EIF2AK4: variants seen among roughly 807,000 people sequenced by gnomAD.
The protein encoded by EIF2AK4 is eukaryotic translation initiation factor 2 alpha kinase 4.
Under a neutral mutation model 211.1 loss-of-function variants are expected in EIF2AK4, and 139 were observed. The ratio of observed to expected loss-of-function variants is 0.66; its 90% confidence interval spans 0.57 to 0.76. EIF2AK4 has a LOEUF of 0.76. Ranked by LOEUF, EIF2AK4 falls within the 30% of genes least tolerant of loss-of-function variation. The pLI, the probability that EIF2AK4 is intolerant of heterozygous loss-of-function variation, is 0.00. For missense variants in EIF2AK4, 1,664 were observed against 2,043.8 expected (o/e 0.81, Z 3.58); for synonymous variants, 710 against 751.3 (o/e 0.94, Z 0.90).
At chr15:40,034,206 A>G (rs918697869) in intron 37 of EIF2AK4, 120 bp from the exon 38 acceptor site, 9 of 754,234 alleles carry the variant, frequency 1.2e-5, no homozygotes, top group Admixed American at 2.2e-5. Context: ...TCTCCCTATT[A>G]CTGATTCTCC....
intron 3 of EIF2AK4, among the ~76,000 whole-genome samples, chr15:39,945,610 T>C (rs538000379): frequency 4.2e-4 from 63 of 151,628 alleles, no homozygotes; most frequent in African/African-American, 1.5e-3. Flanking sequence ...CCTAAGATAA[T>C]TGATGAAGGT....
chr15:39,999,141 C>T (rs1259572827), intron 20 of EIF2AK4, among the ~76,000 whole-genome samples: 3 of 151,712 alleles, frequency 2.0e-5, no homozygotes, highest in African/African-American at 7.3e-5. Context: ...TAATTTAAAA[C>T]TGTAATTTTG....
rs147821128 is a variant in EIF2AK4 at position 40,007,802 on chromosome 15, A to T, written c.3408-225A>T. 1.5e-3 allele frequency among the ~76,000 whole-genome samples: 232 copies of T among 152,328 alleles called. 9 individuals carry two copies. In the East Asian group the frequency reaches 0.027, roughly 18 times the overall value. Reference sequence around the variant, plus strand: ...GTGTAATTTCATCTCTATTTCAGACATTTAAAAAACCTTAAGCCCCATAGC... The same window carrying T: ...GTGTAATTTCATCTCTATTTCAGACTTTTAAAAAACCTTAAGCCCCATAGC... On this transcript the variant is annotated intron_variant, in intron 24 of 38. Transcript: ENST00000263791.
intron 33 of EIF2AK4, 128 bp downstream of exon 33, chr15:40,026,217 G>A: frequency 1.3e-6 from 1 of 777,544 alleles, no homozygotes; most frequent in Non-Finnish European, 2.0e-6. Context: ...CACTTTGGGA[G>A]GCCAAGTTTG....
At chr15:40,027,439 C>A (rs1309433148) in intron 33 of EIF2AK4, among the ~76,000 whole-genome samples, 1 of 152,176 alleles carries the variant, frequency 6.6e-6, no homozygotes, top group African/African-American at 2.4e-5. Flanking sequence ...ATTCTCTAGA[C>A]CACACTTGGA....
chr15:39,947,711 G>A (rs2934194), intron 3 of EIF2AK4, among the ~76,000 whole-genome samples: 46,778 of 152,040 alleles, frequency 0.31, 7,429 homozygotes, highest in African/African-American at 0.38. Context: ...TGACAGTGGA[G>A]TGGCTGTTCT....
At position 39,953,253 on chromosome 15, in the gene EIF2AK4, C is replaced by G. The variant is rs142541279; in HGVS notation, c.514-651C>G. 3.9e-5 allele frequency among the ~76,000 whole-genome samples: 6 copies of G among 152,256 alleles called. No individual in the cohort carries two copies. The East Asian group carries it at 1.2e-3, about 29-fold the overall frequency. On this transcript the variant is annotated intron_variant, in intron 4 of 38. Coordinates refer to ENST00000263791, the MANE Select transcript of EIF2AK4 (RefSeq NM_001013703.4). ...TGTTTTGACATACTGCTATAGCTAC[C>G]TATAAGTTTGGGGTGTGTTTTTACA... is the stretch of plus-strand genomic sequence containing the variant.
At chr15:40,022,878 T>C (rs1025039691) in intron 32 of EIF2AK4, among the ~76,000 whole-genome samples, 16 of 152,174 alleles carry the variant, frequency 1.1e-4, no homozygotes, top group Admixed American at 9.8e-4. Flanking sequence ...GGACTGCAGG[T>C]GCCCGCCACC....
At chr15:39,949,440 C>T (rs2034276785) in intron 4 of EIF2AK4, among the ~76,000 whole-genome samples, 172 bp downstream of exon 4, 1 of 152,116 alleles carries the variant, frequency 6.6e-6, no homozygotes, top group South Asian at 2.1e-4. Flanking sequence ...TCCCTCCTGA[C>T]ACATATCAGT....
chr15:40,024,874 G>A (rs11629850), intron 32 of EIF2AK4, among the ~76,000 whole-genome samples: 67,546 of 151,534 alleles, frequency 0.45, 15,898 homozygotes, highest in Non-Finnish European at 0.54. Flanking sequence ...CTACAGGCAC[G>A]CACCACCATG....
At chr15:40,024,990 G>A (rs2140948269) in intron 32 of EIF2AK4, among the ~76,000 whole-genome samples, 1 of 152,220 alleles carries the variant, frequency 6.6e-6, no homozygotes, top group East Asian at 1.9e-4. Context: ...AGTTCTCCAA[G>A]GGTCCCTCAG....
chr15:40,005,226 G>A (rs1176927142), intron 23 of EIF2AK4, among the ~76,000 whole-genome samples: 1 of 152,144 alleles, frequency 6.6e-6, no homozygotes, highest in African/African-American at 2.4e-5. Flanking sequence ...CAATTTCTGA[G>A]GGACAACTAT....
chr15:40,029,919 C>T (rs1419284560), intron 34 of EIF2AK4, among the ~76,000 whole-genome samples: 1 of 152,134 alleles, frequency 6.6e-6, no homozygotes, highest in Admixed American at 6.5e-5. Flanking sequence ...AGAAGTGTTC[C>T]AATTAAGGCC....
intron 6 of EIF2AK4, among the ~76,000 whole-genome samples, chr15:39,957,743 G>A (rs1210700718): frequency 6.6e-6 from 1 of 152,170 alleles, no homozygotes; most frequent in Non-Finnish European, 1.5e-5. Context: ...CAGGGAGGGA[G>A]CCAGGGAGGG....
At chr15:40,027,807 C>T (rs112164428) in intron 33 of EIF2AK4, among the ~76,000 whole-genome samples, 1 of 151,672 alleles carries the variant, frequency 6.6e-6, no homozygotes, top group African/African-American at 2.4e-5. Flanking sequence ...AGGAGAATGG[C>T]GTGAACCCGG....
intron 3 of EIF2AK4, among the ~76,000 whole-genome samples, chr15:39,945,932 T>C (rs1021724149): frequency 1.3e-5 from 2 of 152,196 alleles, no homozygotes; most frequent in Non-Finnish European, 2.9e-5. Flanking sequence ...TATTTTAAGA[T>C]CATTGTTGAG....
intron 6 of EIF2AK4, among the ~76,000 whole-genome samples, chr15:39,960,927 G>T (rs1389196235): frequency 6.6e-6 from 1 of 152,206 alleles, no homozygotes; most frequent in Non-Finnish European, 1.5e-5. Flanking sequence ...TCAAAATCAT[G>T]CTGAGAATGA....
chr15:39,967,516 T>C lies in EIF2AK4; in HGVS notation c.1190T>C (p.Ile397Thr), dbSNP rs761217927. 11 of 1,613,912 alleles carry C rather than the reference T, an allele frequency of 6.8e-6. No individual in the cohort carries two copies. In the Middle Eastern group the frequency reaches 6.6e-4, roughly 96 times the overall value. The stretch of plus-strand genomic sequence containing the variant: ...GCACACCTGAGCCACTCAGGCCCCA[T>C]CCCTGTGCATCAGCTTCGCAGGTAC... ...LAAHLSHSGPIPVHQLRRYTA... is the reference protein window; with the variant it reads ...LAAHLSHSGPTPVHQLRRYTA... The change falls in exon 9 of 39, where the codon ATC becomes ACC. Residue 397 changes from isoleucine to threonine, a missense_variant. Transcript: ENST00000263791.
intron 29 of EIF2AK4, 56 bp from the exon 30 acceptor site, chr15:40,019,037 C>T (rs899330824): frequency 8.4e-6 from 11 of 1,308,160 alleles, no homozygotes; most frequent in Middle Eastern, 1.9e-4. Flanking sequence ...TTGTTTTCCC[C>T]GTAATCACAG....
Sources: allele counts gnomAD v4.1 joint callset (sites outside exome capture counted in the v4.1 genomes callset), GRCh38; gene constraint gnomAD v4.1.1; transcripts MANE v1.5; gene names NCBI Gene and HGNC (gene_info 2026-07-23, HGNC 2026-07-21).